ANKRD13C: variants seen among roughly 807,000 people sequenced by gnomAD.
ANKRD13C encodes the protein ankyrin repeat domain 13C.
In ANKRD13C, 16 loss-of-function variants were observed where a neutral mutation model predicts 65.5. The ratio of observed to expected loss-of-function variants is 0.24; its 90% CI spans 0.17 to 0.37. The LOEUF is 0.37. Among genes scored for constraint, ANKRD13C ranks in the 10% least tolerant of loss-of-function variants. The pLI is 1.00. For missense variants in ANKRD13C, 503 were observed against 655.9 expected (o/e 0.77, Z 2.55); for synonymous variants, 235 against 238.7 (o/e 0.98, Z 0.14).
intron 1 of ANKRD13C, among the ~76,000 whole-genome samples, chr1:70,338,014 G>A (rs1232905880): frequency 6.6e-6 from 1 of 151,964 alleles, no homozygotes; most frequent in African/African-American, 2.4e-5. Flanking sequence ...CAGGAGAATC[G>A]CTTGAACCTG....
intron 9 of ANKRD13C, among the ~76,000 whole-genome samples, chr1:70,281,463 C>G (rs1183210368): frequency 7.5e-6 from 1 of 133,060 alleles, no homozygotes; most frequent in African/African-American, 2.8e-5. Context: ...AGTGCAGTAA[C>G]TCAATCACAC....
rs1451617923 is a variant in ANKRD13C, at chr1:70,274,767, A to C, written c.1347T>G (p.Phe449Leu). Residue 449 changes from phenylalanine (F) to leucine (L), a missense_variant, in exon 11 of 13, where the codon TTT (phenylalanine) becomes TTG (leucine). Coordinates refer to ENST00000370944, the MANE Select transcript of ANKRD13C (RefSeq NM_030816.5). ...ELVCKESKKT[F>L]KATIAMSQEF... ...CCTGGCTCATGGCTATCGTAGCTTT[A>C]AACGTTTTCTTACTCTCTTTGCACA... The C allele has an allele frequency of 3.1e-6, 5 of 1,613,990 alleles. No individual in the cohort carries two copies. In the East Asian group the frequency reaches 1.1e-4, roughly 36 times the overall value.
chr1:70,329,293 G>A (rs1273622417), intron 2 of ANKRD13C, among the ~76,000 whole-genome samples: 1 of 152,186 alleles, frequency 6.6e-6, no homozygotes, highest in Non-Finnish European at 1.5e-5. Context: ...CACTTTGGGA[G>A]GCCGAGGCAG....
At chr1:70,334,874 C>G (rs1405452780) in intron 2 of ANKRD13C, among the ~76,000 whole-genome samples, 1 of 151,770 alleles carries the variant, frequency 6.6e-6, no homozygotes, top group East Asian at 1.9e-4. Flanking sequence ...CCATTGCACT[C>G]CAGCCTAGGC....
chr1:70,322,465 C>A (rs1176181478), intron 3 of ANKRD13C, among the ~76,000 whole-genome samples: 2 of 152,078 alleles, frequency 1.3e-5, no homozygotes, highest in African/African-American at 4.8e-5. Context: ...GCTAAGGTAT[C>A]ACTCTACATA....
In ANKRD13C at chr1:70,354,346, G is replaced by A; in HGVS notation, c.63C>T (p.Asp21=). ...CTTCCTCATCCCCGGGCTCCAGCAG[G>A]TCCCCTTCTTCTTTGCTGGGCTTGT... ...RDHKPSKEEG[D]LLEPGDEEAA... is the part of the protein sequence containing the mutation. Residue 21 remains aspartate, a synonymous_variant, in exon 1 of 13, where the codon GAC becomes GAT. Coordinates refer to ENST00000370944, the MANE Select transcript of ANKRD13C (RefSeq NM_030816.5). 1 of 1,614,140 alleles carries A rather than the reference G, an allele frequency of 6.2e-7. No homozygotes were observed. Among genetic ancestry groups the A allele is most frequent in the Non-Finnish European group, 8.5e-7 (1 of 1,180,024 alleles).
At chr1:70,299,894 G>T (rs1205115730) in intron 7 of ANKRD13C, among the ~76,000 whole-genome samples, 4 of 152,134 alleles carry the variant, frequency 2.6e-5, no homozygotes, top group African/African-American at 9.7e-5. Context: ...GGAATGGAAG[G>T]GATTATTCTG....
intron 1 of ANKRD13C, among the ~76,000 whole-genome samples, chr1:70,342,648 C>T (rs1400474300): frequency 1.3e-5 from 2 of 151,668 alleles, no homozygotes; most frequent in East Asian, 3.9e-4. Flanking sequence ...GAAGAGGTAG[C>T]AATAGTTCCC....
chr1:70,296,396 T>G, intron 7 of ANKRD13C, 135 bp from the exon 8 acceptor site: 1 of 831,806 alleles, frequency 1.2e-6, no homozygotes, highest in Non-Finnish European at 1.8e-6. Context: ...TAATGTGAAG[T>G]GTTACTTACT....
chr1:70,288,525 A>G (rs929714560), intron 9 of ANKRD13C, among the ~76,000 whole-genome samples: 5 of 152,370 alleles, frequency 3.3e-5, no homozygotes, highest in Non-Finnish European at 5.9e-5. Context: ...AAACTGTGGT[A>G]CACTAATACC....
intron 2 of ANKRD13C, among the ~76,000 whole-genome samples, chr1:70,327,530 C>G (rs74778448): frequency 0.017 from 2,606 of 152,200 alleles, 58 homozygotes; most frequent in Admixed American, 0.073. Context: ...GAGTCACTCT[C>G]AACTGGGTCA....
At chr1:70,326,870 T>C (rs1172735911) in intron 2 of ANKRD13C, among the ~76,000 whole-genome samples, 2 of 149,810 alleles carry the variant, frequency 1.3e-5, no homozygotes, top group African/African-American at 2.4e-5. Context: ...TTATAACACA[T>C]TGAAAAAAAA....
rs1682535203 is a variant in ANKRD13C at position 70,346,585 on chromosome 1, A to C, written c.430+7394T>G. 1.3e-5 allele frequency among the ~76,000 whole-genome samples: 2 copies of C among 152,302 alleles called. 1 individual carries two copies. The highest frequency in any genetic ancestry group is 4.1e-4 in the South Asian group (2 of 4,824). On this transcript the variant is annotated intron_variant, in intron 1 of 12. Transcript: ENST00000370944. ...GGTTCTACAGACTCCTTCAAGTCTG[A>C]TCCAAGCAAGCAGTAAAAGGGGATA...
At chr1:70,268,460 C>T (rs114633762) in intron 12 of ANKRD13C, among the ~76,000 whole-genome samples, 2,243 of 152,132 alleles carry the variant, frequency 0.015, 64 homozygotes, top group African/African-American at 0.051. Flanking sequence ...CTGTGCCCGG[C>T]GATACAGCTA....
intron 9 of ANKRD13C, among the ~76,000 whole-genome samples, chr1:70,284,342 A>T (rs1056127873): frequency 6.6e-5 from 10 of 152,084 alleles, no homozygotes; most frequent in African/African-American, 2.4e-4. Context: ...TTTGAAAAAA[A>T]TAAGAAATCA....
intron 5 of ANKRD13C, among the ~76,000 whole-genome samples, chr1:70,308,003 A>G (rs1358359381): frequency 6.6e-6 from 1 of 152,182 alleles, no homozygotes; most frequent in East Asian, 1.9e-4. Flanking sequence ...AAAAATTGAG[A>G]AGAGCAATAA....
At chr1:70,346,807 G>T (rs1433756752) in intron 1 of ANKRD13C, among the ~76,000 whole-genome samples, 2 of 152,036 alleles carry the variant, frequency 1.3e-5, no homozygotes, top group African/African-American at 4.8e-5. Flanking sequence ...ATCAAATTGT[G>T]TCGGGCGGGC....
intron 6 of ANKRD13C, among the ~76,000 whole-genome samples, chr1:70,303,142 T>G (rs1680449604): frequency 6.6e-6 from 1 of 152,214 alleles, no homozygotes; most frequent in African/African-American, 2.4e-5. Flanking sequence ...TATTTTTATT[T>G]CATTCGTGTT....
intron 7 of ANKRD13C, among the ~76,000 whole-genome samples, 153 bp from the exon 8 acceptor site, chr1:70,296,414 G>C (rs1680084799): frequency 6.6e-6 from 1 of 152,078 alleles, no homozygotes; most frequent in Non-Finnish European, 1.5e-5. Context: ...ACTCTAAAAA[G>C]AATTAGATGT....
Sources: gnomAD v4.1 joint callset for allele counts (sites outside exome capture counted in the v4.1 genomes callset) on GRCh38, gnomAD v4.1.1 for gene constraint, MANE v1.5 for transcripts, NCBI Gene and HGNC (gene_info 2026-07-23, HGNC 2026-07-21) for gene names.